AASDHPPT: variants seen among roughly 807,000 people sequenced by gnomAD.
The protein encoded by AASDHPPT is aminoadipate-semialdehyde dehydrogenase-phosphopantetheinyl transferase, also known as L-aminoadipate-semialdehyde dehydrogenase-phosphopantetheinyl transferase.
AASDHPPT carries 23 observed loss-of-function variants against 36.4 expected under a neutral mutation model. The ratio of observed to expected loss-of-function variants is 0.63; its 90% confidence interval spans 0.45 to 0.89. The LOEUF (loss-of-function observed/expected upper bound fraction) is 0.89, where lower values mean the gene tolerates loss of function less well. AASDHPPT is among the 40% of genes least tolerant of loss of function. The pLI, the probability that AASDHPPT is intolerant of heterozygous loss-of-function variation, is 0.00. For missense variants in AASDHPPT, 377 were observed against 378.2 expected (o/e 1.00, Z 0.03); for synonymous variants, 115 against 128.0 (o/e 0.90, Z 0.68).
chr11:106,087,146 C>T (rs1861206133), intron 2 of AASDHPPT, among the ~76,000 whole-genome samples: 1 of 152,160 alleles, frequency 6.6e-6, no homozygotes, highest in South Asian at 2.1e-4. Context: ...CAATCTAGTG[C>T]TTTTTCTGCT....
At chr11:106,078,912 A>G (rs1462354335) in intron 1 of AASDHPPT, among the ~76,000 whole-genome samples, 1 of 152,202 alleles carries the variant, frequency 6.6e-6, no homozygotes, top group African/African-American at 2.4e-5. Flanking sequence ...CTGGGTGATC[A>G]ATATATGGGA....
At chr11:106,079,410 T>C (rs1034100544) in intron 1 of AASDHPPT, 57 bp from the exon 2 acceptor site, 3 of 1,399,454 alleles carry the variant, frequency 2.1e-6, no homozygotes, top group Admixed American at 4.8e-5. Flanking sequence ...TTGCATACAG[T>C]GTGCTTGTAT....
At chr11:106,094,756 GA>G (rs1191031989) in intron 5 of AASDHPPT, 102 bp downstream of exon 5, 22 of 849,260 alleles carry the variant, frequency 2.6e-5, no homozygotes, top group Admixed American at 9.6e-5. Context: ...AGTTTAGAGA[GA>G]TTTTTTTAAG....
chr11:106,083,747 A>G (rs1028493690), intron 2 of AASDHPPT, among the ~76,000 whole-genome samples: 2 of 152,216 alleles, frequency 1.3e-5, no homozygotes, highest in Non-Finnish European at 2.9e-5. Flanking sequence ...AACACATACT[A>G]TATACACCAA....
intron 2 of AASDHPPT, among the ~76,000 whole-genome samples, chr11:106,081,043 G>A (rs1341357200): frequency 6.6e-6 from 1 of 152,200 alleles, no homozygotes; most frequent in African/African-American, 2.4e-5. Context: ...AAAGCTGTGT[G>A]AGAGCAAGAA....
chr11:106,085,012 A>G (rs1437068583), intron 2 of AASDHPPT, among the ~76,000 whole-genome samples: 2 of 152,216 alleles, frequency 1.3e-5, no homozygotes, highest in African/African-American at 4.8e-5. Flanking sequence ...AAAAAGAAAA[A>G]TTGTAGCCCA....
Position 106,097,474 on chromosome 11 carries a change from A to G in AASDHPPT, c.*567A>G, listed in dbSNP as rs2135047694. On this transcript the variant is annotated 3_prime_UTR_variant, in exon 6 of 6. Transcript: ENST00000278618. ...AACAGTGTCCAAATATAATTGGCCTAAGTAACCTAGGAAATTGTTTGACAT... is the reference window on the plus strand; with the variant it reads ...AACAGTGTCCAAATATAATTGGCCTGAGTAACCTAGGAAATTGTTTGACAT... 6.6e-6 allele frequency: 1 copy of G among 152,544 alleles called. No homozygotes were observed. Among genetic ancestry groups the G allele is most frequent in the Admixed American group, 6.5e-5 (1 of 15,296 alleles). The allele number at this position is 152,544 out of a possible 1,614,324, so 9.4% of individuals were successfully genotyped here. A position where few individuals can be genotyped will look rare whatever the true frequency, so the allele number is the denominator to read the frequency against.
Position 106,097,207 on chromosome 11 carries a change from A to G in AASDHPPT, c.*300A>G, listed in dbSNP as rs1435057161. 1 of 222,208 alleles carries G rather than the reference A, an allele frequency of 4.5e-6. No individual in the cohort carries two copies. The highest frequency in any genetic ancestry group is 5.9e-5 in the Admixed American group (1 of 16,884). The allele number at this position is 222,208 out of a possible 1,614,324, so 13.8% of individuals were successfully genotyped here. A position where few individuals can be genotyped will look rare whatever the true frequency, so the allele number is the denominator to read the frequency against. ...CACATAAGCAAAAGGAAACATTTAA[A>G]TGCTATCTTTCAAAGATAACTACTC... is the stretch of plus-strand genomic sequence containing the variant. On this transcript the variant is annotated 3_prime_UTR_variant, in exon 6 of 6. Coordinates refer to ENST00000278618, the MANE Select transcript of AASDHPPT (RefSeq NM_015423.3).
chr11:106,082,388 A>AT (rs1205931061), intron 2 of AASDHPPT, among the ~76,000 whole-genome samples: 1 of 152,108 alleles, frequency 6.6e-6, no homozygotes, highest in East Asian at 1.9e-4. Context: ...TGAGCAAGGG[A>AT]TTTTTCCTAA....
intron 2 of AASDHPPT, among the ~76,000 whole-genome samples, chr11:106,080,157 T>A (rs951494118): frequency 6.6e-6 from 1 of 152,152 alleles, no homozygotes; most frequent in African/African-American, 2.4e-5. Flanking sequence ...TAGTTGGCCC[T>A]CTGTCCCCAT....
intron 2 of AASDHPPT, 114 bp from the exon 3 acceptor site, chr11:106,090,443 G>T: frequency 1.3e-6 from 1 of 788,236 alleles, no homozygotes. Flanking sequence ...GTATTCAAAA[G>T]TATGGTTGCC....
At chr11:106,089,766 A>C (rs913820230) in intron 2 of AASDHPPT, among the ~76,000 whole-genome samples, 2 of 152,008 alleles carry the variant, frequency 1.3e-5, no homozygotes, top group Admixed American at 6.6e-5. Context: ...TTTAACATGT[A>C]TCTTACCCCT....
Position 106,091,492 on chromosome 11 carries a change from A to G in AASDHPPT, c.693+15A>G. On this transcript the variant is annotated intron_variant, in intron 4 of 5. Transcript: ENST00000278618. ...GGGCATTTGAGGTAAGAAATTTGTT[A>G]GAATTGTTAAAACTAAGAATTTCTA... is the stretch of plus-strand genomic sequence containing the variant. The G allele has an allele frequency of 6.4e-7, 1 of 1,560,534 alleles. No homozygotes were observed. Among genetic ancestry groups the G allele is most frequent in the South Asian group, 1.2e-5 (1 of 82,540 alleles).
intron 1 of AASDHPPT, 39 bp downstream of exon 1, chr11:106,077,932 C>T: frequency 1.3e-6 from 2 of 1,598,924 alleles, no homozygotes; most frequent in Non-Finnish European, 1.7e-6. Context: ...GCCTAGGAAG[C>T]AGATCTTGGG....
chr11:106,094,008 A>G (rs1861284193), intron 4 of AASDHPPT: 1 of 152,148 alleles, frequency 6.6e-6, no homozygotes, highest in Admixed American at 6.6e-5. Context: ...TAGATAGGGC[A>G]CATCACCTGT....
Position 106,098,219 on chromosome 11 carries a change from A to G in AASDHPPT, c.*1312A>G, listed in dbSNP as rs1861338479. On this transcript the variant is annotated 3_prime_UTR_variant, in exon 6 of 6. Coordinates refer to ENST00000278618, the MANE Select transcript of AASDHPPT (RefSeq NM_015423.3). Reference sequence around the variant, plus strand: ...TTGTATTTCTTTCATTACAAATAAGATTGTTATGTCAGTATTGTTATTGGC... The same window carrying G: ...TTGTATTTCTTTCATTACAAATAAGGTTGTTATGTCAGTATTGTTATTGGC... 6.6e-6 allele frequency: 1 copy of G among 152,124 alleles called. No homozygotes were observed. The highest frequency in any genetic ancestry group is 1.5e-5 in the Non-Finnish European group (1 of 67,986). The allele number at this position is 152,124 out of a possible 1,614,324, so 9.4% of individuals were successfully genotyped here.
intron 5 of AASDHPPT, 149 bp from the exon 6 acceptor site, chr11:106,096,594 T>C (rs751194237): frequency 2.2e-5 from 12 of 551,818 alleles, no homozygotes; most frequent in Admixed American, 4.2e-5. Context: ...AACACTAATA[T>C]AAGAAATACA....
chr11:106,089,754 A>C (rs1432813112), intron 2 of AASDHPPT, among the ~76,000 whole-genome samples: 2 of 152,006 alleles, frequency 1.3e-5, no homozygotes, highest in Non-Finnish European at 2.9e-5. Context: ...CCTACCATGA[A>C]TTTTAACATG....
chr11:106,079,508 G>T lies in AASDHPPT; in HGVS notation c.225G>T (p.Leu75Phe). 1 of 1,613,662 alleles carries T rather than the reference G, an allele frequency of 6.2e-7. No homozygotes were observed. The highest frequency in any genetic ancestry group is 1.1e-5 in the South Asian group (1 of 91,000). Residue 75 changes from leucine to phenylalanine, a missense_variant, in exon 2 of 6, where the codon TTG becomes TTT. By Grantham distance (22) the Leu-to-Phe change is conservative (BLOSUM62 0). Transcript: ENST00000278618. The part of the protein sequence containing the change: ...LMIRKLVAEK[L>F]NIPWNHIRLQ... ...TAAGGAAATTAGTTGCAGAGAAATT[G>T]AATATCCCTTGGAATCATATTCGTT...
Sources: gnomAD v4.1 joint callset for allele counts (sites outside exome capture counted in the v4.1 genomes callset) on GRCh38, gnomAD v4.1.1 for gene constraint, MANE v1.5 for transcripts, NCBI Gene and HGNC (gene_info 2026-07-23, HGNC 2026-07-21) for gene names.